SEMA3E: variants seen among roughly 807,000 people sequenced by gnomAD.
The protein encoded by SEMA3E is semaphorin-3E.
Under a neutral mutation model 93.6 loss-of-function variants are expected in SEMA3E, and 49 were observed. The observed-to-expected ratio is 0.52, with a 90% CI of 0.42 to 0.66. The LOEUF is 0.66. Among genes scored for constraint, SEMA3E ranks in the 30% least tolerant of loss-of-function variants. The pLI is 0.00. For missense variants in SEMA3E, 906 were observed against 964.8 expected, an observed-to-expected ratio of 0.94 and a Z score of 0.81; for synonymous variants, 363 against 330.7, an observed-to-expected ratio of 1.10 and a Z score of -1.06.
At chr7:83,625,872 T>C (rs1298412404) in intron 1 of SEMA3E, among the ~76,000 whole-genome samples, 1 of 152,186 alleles carries the variant, frequency 6.6e-6, no homozygotes. Flanking sequence ...TATTTTGAGA[T>C]ACATTCCATC....
chr7:83,506,452 C>T (rs1584295675), intron 1 of SEMA3E, among the ~76,000 whole-genome samples: 1 of 151,584 alleles, frequency 6.6e-6, no homozygotes, highest in East Asian at 1.9e-4. Flanking sequence ...AAGGATAGTT[C>T]CCAGAGGCTG....
intron 1 of SEMA3E, among the ~76,000 whole-genome samples, chr7:83,602,061 T>G (rs1793008293): frequency 6.6e-6 from 1 of 152,168 alleles, no homozygotes; most frequent in African/African-American, 2.4e-5. Flanking sequence ...TACTACTACT[T>G]CTGTTACTAC....
chr7:83,382,916 T>C (rs889751370), intron 16 of SEMA3E, among the ~76,000 whole-genome samples: 2 of 151,986 alleles, frequency 1.3e-5, no homozygotes, highest in Admixed American at 1.3e-4. Context: ...TTCTAAAGAT[T>C]AATTCAGTTT....
intron 4 of SEMA3E, among the ~76,000 whole-genome samples, chr7:83,454,670 T>C (rs1403981715): frequency 6.6e-6 from 1 of 152,202 alleles, no homozygotes; most frequent in Non-Finnish European, 1.5e-5. Context: ...ACATCTGATT[T>C]TAAAATTCAT....
intron 2 of SEMA3E, among the ~76,000 whole-genome samples, chr7:83,474,029 T>A (rs1789957348): frequency 6.7e-6 from 1 of 149,830 alleles, no homozygotes; most frequent in South Asian, 2.1e-4. Flanking sequence ...GAGATGAAGC[T>A]TGCAGTGAGC....
intron 9 of SEMA3E, among the ~76,000 whole-genome samples, chr7:83,403,176 C>G (rs1371878425): frequency 6.6e-6 from 1 of 151,830 alleles, no homozygotes; most frequent in Non-Finnish European, 1.5e-5. Context: ...AGACAGTGTC[C>G]TCTTACTCAC....
rs61729612 is a variant in SEMA3E, at chr7:83,408,415, C to G, written c.623G>C (p.Arg208Pro). The change falls in exon 6 of 17, where the codon CGA becomes CCA. Residue 208 changes from arginine (R) to proline (P), a missense_variant. Physicochemically the swap from Arg to Pro is moderately radical, Grantham distance 103. Coordinates refer to ENST00000643230, the MANE Select transcript of SEMA3E (RefSeq NM_012431.3). ...RDAAIFRSMG[R>P]LAHIRTEHDD... ...ATGCTCAGTGCGGATATGGGCCAGT[C>G]GCCCCATGCTGCGGAAGATCGCAGC... 0.12 allele frequency: 190,669 copies of G among 1,613,448 alleles called. 11,976 individuals are homozygous for G. Among genetic ancestry groups the G allele is most frequent in the East Asian group, 0.16 (7,360 of 44,832 alleles).
At chr7:83,615,921 A>AT (rs1793358254) in intron 1 of SEMA3E, among the ~76,000 whole-genome samples, 1 of 151,978 alleles carries the variant, frequency 6.6e-6, no homozygotes, top group South Asian at 2.1e-4. Context: ...ACTACACAGA[A>AT]TTTTTTCATC....
chr7:83,587,080 A>G (rs1403971251), intron 1 of SEMA3E, among the ~76,000 whole-genome samples: 2 of 152,202 alleles, frequency 1.3e-5, no homozygotes, highest in Non-Finnish European at 2.9e-5. Context: ...ATTCCTTTCT[A>G]AAGTTTACCA....
chr7:83,637,180 A>G (rs1793897431), intron 1 of SEMA3E, among the ~76,000 whole-genome samples: 1 of 152,100 alleles, frequency 6.6e-6, no homozygotes, highest in Admixed American at 6.6e-5. Context: ...TGGTACATTT[A>G]TCAGAGTTAA....
rs1554328012 is a variant in SEMA3E, at chr7:83,458,953, ATGTG to A, written c.456+7525_456+7528del. On this transcript the variant is annotated intron_variant, in intron 4 of 16. Transcript: ENST00000643230. ...TATGTATATATATACACATATGTAT[ATGTG>A]TGTGTGTGTGTGTGTGTATATATAT... 1.5e-3 allele frequency among the ~76,000 whole-genome samples: 223 copies of A among 143,872 alleles called. 1 individual carries two copies. The highest frequency in any genetic ancestry group is 4.0e-3 in the African/African-American group (158 of 39,252). 94.4% of individuals were successfully genotyped at this position (143,872 alleles called of 152,430 possible). A position where few individuals can be genotyped will look rare whatever the true frequency, so the allele number is the denominator to read the frequency against.
intron 16 of SEMA3E, among the ~76,000 whole-genome samples, chr7:83,382,786 AT>A (rs1787803114): frequency 6.6e-6 from 1 of 151,764 alleles, no homozygotes; most frequent in African/African-American, 2.4e-5. Flanking sequence ...ATTATGTTCC[AT>A]TTGCTTTGTT....
intron 1 of SEMA3E, among the ~76,000 whole-genome samples, chr7:83,619,648 A>G (rs963873959): frequency 2.6e-5 from 4 of 151,874 alleles, no homozygotes; most frequent in Non-Finnish European, 4.4e-5. Context: ...CAACTTATTA[A>G]TAATACCTGC....
chr7:83,540,875 G>A (rs1169782978), intron 1 of SEMA3E, among the ~76,000 whole-genome samples: 1 of 152,112 alleles, frequency 6.6e-6, no homozygotes, highest in East Asian at 1.9e-4. Flanking sequence ...TAATGACTTT[G>A]TTTTTATGTA....
chr7:83,536,681 A>T lies in SEMA3E; in HGVS notation c.116-46407T>A, dbSNP rs115079879. Reference sequence around the variant, plus strand: ...TTAGCTAAATGAATATAAATATTAAAAAAACAAAACCAGACAACAACATAA... The same window carrying T: ...TTAGCTAAATGAATATAAATATTAATAAAACAAAACCAGACAACAACATAA... On this transcript the variant is annotated intron_variant, in intron 1 of 16. Coordinates refer to ENST00000643230, the MANE Select transcript of SEMA3E (RefSeq NM_012431.3). Among the ~76,000 whole-genome samples, 1,060 of 152,290 alleles carry T rather than the reference A, an allele frequency of 7.0e-3. 15 individuals carry two copies. Among genetic ancestry groups the T allele is most frequent in the African/African-American group, 0.024 (1,009 of 41,570 alleles).
intron 1 of SEMA3E, among the ~76,000 whole-genome samples, chr7:83,512,973 A>G (rs1790855449): frequency 6.6e-6 from 1 of 152,242 alleles, no homozygotes; most frequent in African/African-American, 2.4e-5. Flanking sequence ...CTAATGACAT[A>G]CATATTCTTT....
intron 11 of SEMA3E, among the ~76,000 whole-genome samples, chr7:83,398,775 T>A (rs1441640106): frequency 6.6e-6 from 1 of 152,046 alleles, no homozygotes; most frequent in African/African-American, 2.4e-5. Flanking sequence ...GAAACCCCTG[T>A]CTCTACTAAA....
intron 1 of SEMA3E, among the ~76,000 whole-genome samples, chr7:83,603,742 G>C (rs1793046153): frequency 6.6e-6 from 1 of 152,222 alleles, no homozygotes; most frequent in East Asian, 1.9e-4. Context: ...TAACCTTTAA[G>C]CCATATTGTT....
chr7:83,406,125 T>G (rs2115643860), intron 7 of SEMA3E, 66 bp from the exon 8 acceptor site: 1 of 1,138,610 alleles, frequency 8.8e-7, no homozygotes, highest in South Asian at 1.2e-5. Flanking sequence ...GATTTCATAT[T>G]ATTAAACATG....
Sources: gnomAD v4.1 joint callset for allele counts (sites outside exome capture counted in the v4.1 genomes callset) on GRCh38, gnomAD v4.1.1 for gene constraint, MANE v1.5 for transcripts, NCBI Gene and HGNC (gene_info 2026-07-23, HGNC 2026-07-21) for gene names.